The following SPATA6 variants were observed in gnomAD, a reference collection of about 807,000 sequenced individuals.
The protein encoded by SPATA6 is spermatogenesis associated 6, also known as spermatogenesis-associated protein 6.
In SPATA6, 56 loss-of-function variants were observed where a neutral mutation model predicts 65.3. The ratio of observed to expected loss-of-function variants is 0.86; its 90% CI spans 0.69 to 1.07. The LOEUF (loss-of-function observed/expected upper bound fraction) is 1.07. SPATA6 is among the 50% of genes least tolerant of loss of function. SPATA6 has a pLI of 0.00. For synonymous variants in SPATA6, 199 were observed against 213.2 expected (o/e 0.93, Z 0.58); for missense variants, 590 against 594.8 (o/e 0.99, Z 0.08).
At chr1:48,350,838 T>C (rs1646496847) in intron 11 of SPATA6, among the ~76,000 whole-genome samples, 1 of 151,892 alleles carries the variant, frequency 6.6e-6, no homozygotes. Context: ...TTTCAGATCG[T>C]TTTGATTTTT....
At chr1:48,318,834 G>A (rs551289740) in intron 11 of SPATA6, among the ~76,000 whole-genome samples, 3 of 152,092 alleles carry the variant, frequency 2.0e-5, no homozygotes, top group African/African-American at 7.2e-5. Context: ...AAGAAGAAAA[G>A]GTGGAAGACT....
the SPATA6 span, among the ~76,000 whole-genome samples, chr1:48,267,752 GTT>G: frequency 2.6e-3 from 191 of 72,672 alleles, no homozygotes; most frequent in African/African-American, 9.7e-3. Context: ...TAGGGTCTGG[GTT>G]TTTTTTTTTT....
Position 48,459,999 on chromosome 1 carries a change from G to A in SPATA6, c.52-6868C>T, listed in dbSNP as rs149781471. Among the ~76,000 whole-genome samples, 15 of 152,098 alleles carry A rather than the reference G, an allele frequency of 9.9e-5. No individual in the cohort carries two copies. The East Asian group carries it at 2.7e-3, about 27-fold the overall frequency. On this transcript the variant is annotated intron_variant, in intron 1 of 12. Coordinates refer to ENST00000371847, the MANE Select transcript of SPATA6 (RefSeq NM_019073.4). ...TCATTTTTTTTTTAAGATATGAGGT[G>A]TTGCTCTGTTGCCCAGGCTAGAATG...
intron 7 of SPATA6, chr1:48,399,106 A>C: frequency 2.1e-4 from 81 of 393,064 alleles, no homozygotes; most frequent in Middle Eastern, 6.7e-4. Flanking sequence ...TAAGAAAGGA[A>C]ACCGGTACTG....
chr1:48,291,589 C>A (rs891217332), downstream of SPATA6, among the ~76,000 whole-genome samples: 2 of 152,214 alleles, frequency 1.3e-5, no homozygotes, highest in African/African-American at 4.8e-5. Context: ...TCTGTGCCCA[C>A]CTGCCCCCCT....
At chr1:48,323,190 C>A in intron 11 of SPATA6, among the ~76,000 whole-genome samples, 1 of 152,116 alleles carries the variant, frequency 6.6e-6, no homozygotes, top group Admixed American at 6.5e-5. Context: ...CAATGATAGA[C>A]TGGATTAAGA....
chr1:48,274,713 A>G, the SPATA6 span, among the ~76,000 whole-genome samples: 1 of 152,282 alleles, frequency 6.6e-6, no homozygotes, highest in South Asian at 2.1e-4. Context: ...CTGTTTTGGT[A>G]CCAGTACCAT....
rs1040894811 is a variant in SPATA6 at position 48,397,423 on chromosome 1, G to A, written c.780+1928C>T. On this transcript the variant is annotated intron_variant, in intron 7 of 12. Transcript: ENST00000371847. The stretch of plus-strand genomic sequence containing the variant: ...GGAAAATAAAAAGGCTGTTTTACTC[G>A]TCTAGGATAATTGCACCAGTTTTTT... 2.6e-5 allele frequency among the ~76,000 whole-genome samples: 4 copies of A among 151,750 alleles called. No homozygotes were observed. In the South Asian group the frequency reaches 6.2e-4, roughly 24 times the overall value.
chr1:48,433,248 C>T (rs1356374390), intron 3 of SPATA6, among the ~76,000 whole-genome samples: 1 of 151,950 alleles, frequency 6.6e-6, no homozygotes, highest in African/African-American at 2.4e-5. Flanking sequence ...TTTAATACCA[C>T]TAAACTGTAT....
At chr1:48,426,349 C>G (rs75819746) in intron 3 of SPATA6, among the ~76,000 whole-genome samples, 8 of 152,102 alleles carry the variant, frequency 5.3e-5, no homozygotes, top group Non-Finnish European at 1.2e-4. Context: ...ACAATAGAGT[C>G]TGAAGACGGT....
At chr1:48,414,281 C>G (rs139114114) in intron 3 of SPATA6, among the ~76,000 whole-genome samples, 159 of 152,294 alleles carry the variant, frequency 1.0e-3, no homozygotes, top group Non-Finnish European at 2.0e-3. Flanking sequence ...CATATTTCCA[C>G]CAGCAGGGAG....
At chr1:48,361,667 T>C (rs1444991725) in intron 9 of SPATA6, among the ~76,000 whole-genome samples, 3 of 152,152 alleles carry the variant, frequency 2.0e-5, no homozygotes, top group Non-Finnish European at 4.4e-5. Context: ...TCAGACTCAT[T>C]TCCCTCACAT....
At chr1:48,438,237 C>A (rs748961525) in intron 3 of SPATA6, among the ~76,000 whole-genome samples, 1 of 152,174 alleles carries the variant, frequency 6.6e-6, no homozygotes, top group African/African-American at 2.4e-5. Context: ...AAGAACCCAC[C>A]AGAAGGAACC....
At chr1:48,420,566 T>C (rs1229196583) in intron 3 of SPATA6, among the ~76,000 whole-genome samples, 1 of 152,086 alleles carries the variant, frequency 6.6e-6, no homozygotes, top group East Asian at 1.9e-4. Flanking sequence ...GCTGAAGAAG[T>C]TTATTGCTTG....
intron 2 of SPATA6, 77 bp downstream of exon 2, chr1:48,452,917 G>A: frequency 2.0e-6 from 3 of 1,509,366 alleles, no homozygotes; most frequent in African/African-American, 1.4e-5. Flanking sequence ...AATAATTTGT[G>A]TTATAGGCTT....
At chr1:48,322,648 G>A (rs189961624) in intron 11 of SPATA6, among the ~76,000 whole-genome samples, 21 of 152,292 alleles carry the variant, frequency 1.4e-4, no homozygotes, top group Non-Finnish European at 2.8e-4. Context: ...CAGAATAGGA[G>A]AAAATTTTTG....
At chr1:48,340,126 A>T (rs940029347) in intron 11 of SPATA6, among the ~76,000 whole-genome samples, 2 of 151,772 alleles carry the variant, frequency 1.3e-5, no homozygotes, top group African/African-American at 4.8e-5. Flanking sequence ...AAGTGTAGGA[A>T]GAAAAACAGC....
intron 11 of SPATA6, among the ~76,000 whole-genome samples, chr1:48,320,053 G>C (rs767814062): frequency 6.6e-6 from 1 of 152,160 alleles, no homozygotes; most frequent in Non-Finnish European, 1.5e-5. Context: ...ATTTCTCTGA[G>C]AGCCCAGTCC....
At chr1:48,268,655 T>A in the SPATA6 span, among the ~76,000 whole-genome samples, 1 of 152,218 alleles carries the variant, frequency 6.6e-6, no homozygotes, top group African/African-American at 2.4e-5. Flanking sequence ...CTACCTTAAC[T>A]GTATAACATA....
Sources: allele counts gnomAD v4.1 joint callset (sites outside exome capture counted in the v4.1 genomes callset), GRCh38; gene constraint gnomAD v4.1.1; transcripts MANE v1.5; gene names NCBI Gene and HGNC (gene_info 2026-07-23, HGNC 2026-07-21).